RBFOX1: variants seen among roughly 807,000 people sequenced by gnomAD.
RBFOX1 encodes RNA binding fox-1 homolog 1.
Under a neutral mutation model 57.7 loss-of-function variants are expected in RBFOX1, and 8 were observed. The ratio of observed to expected loss-of-function variants is 0.14; its 90% CI spans 0.08 to 0.25. RBFOX1 has a LOEUF of 0.25. Among genes scored for constraint, RBFOX1 ranks in the 10% least tolerant of loss-of-function variants. RBFOX1 has a pLI of 1.00. For missense variants in RBFOX1, 611 were observed against 548.5 expected (o/e 1.11, Z -1.14); for synonymous variants, 326 against 222.4 (o/e 1.47, Z -4.15).
intron 4 of RBFOX1, among the ~76,000 whole-genome samples, chr16:7,216,249 T>G (rs901827685): frequency 1.3e-4 from 20 of 152,218 alleles, no homozygotes; most frequent in African/African-American, 4.8e-4. Context: ...GCATATTAGT[T>G]AAGAACATCG....
intron 1 of RBFOX1, among the ~76,000 whole-genome samples, chr16:6,102,094 C>T (rs2096317230): frequency 6.6e-6 from 1 of 150,632 alleles, no homozygotes; most frequent in Non-Finnish European, 1.5e-5. Context: ...GTCTGATTTC[C>T]TTCCTTATAA....
At chr16:7,163,913 G>C (rs571446301) in intron 4 of RBFOX1, among the ~76,000 whole-genome samples, 18 of 152,092 alleles carry the variant, frequency 1.2e-4, no homozygotes, top group Non-Finnish European at 2.6e-4. Flanking sequence ...ATCCACTTCA[G>C]CCTCCCAAAG....
At chr16:7,297,984 C>G (rs931522961) in intron 4 of RBFOX1, among the ~76,000 whole-genome samples, 2 of 152,172 alleles carry the variant, frequency 1.3e-5, no homozygotes, top group African/African-American at 2.4e-5. Context: ...TGCATCCACA[C>G]ACATGTTTTT....
Position 6,919,908 on chromosome 16 carries a change from G to A in RBFOX1, c.-15-132149G>A, listed in dbSNP as rs546448160. 1.2e-4 allele frequency among the ~76,000 whole-genome samples: 18 copies of A among 151,770 alleles called. No individual in the cohort carries two copies. In the East Asian group the frequency reaches 3.5e-3, roughly 30 times the overall value. On this transcript the variant is annotated intron_variant, in intron 3 of 15. Coordinates refer to ENST00000550418, the MANE Select transcript of RBFOX1 (RefSeq NM_018723.4). ...ACCTGAGCAGTGTACACTGTACCCAGTGTGTCATCTTTTATCCTTTACCCC... is the reference window on the plus strand; with the variant it reads ...ACCTGAGCAGTGTACACTGTACCCAATGTGTCATCTTTTATCCTTTACCCC...
intron 3 of RBFOX1, among the ~76,000 whole-genome samples, chr16:6,885,153 C>A (rs1239571494): frequency 6.6e-6 from 1 of 152,154 alleles, no homozygotes; most frequent in African/African-American, 2.4e-5. Context: ...TGGACCGCCT[C>A]CTCCTTCCCT....
intron 1 of RBFOX1, among the ~76,000 whole-genome samples, chr16:6,115,240 A>T (rs1193736417): frequency 2.0e-5 from 3 of 152,206 alleles, no homozygotes; most frequent in African/African-American, 7.2e-5. Context: ...CCTAACTAGG[A>T]TTCTTGTAAG....
Position 7,165,565 on chromosome 16 carries a change from G to A in RBFOX1, c.27+113467G>A, listed in dbSNP as rs1027091018. Among the ~76,000 whole-genome samples the A allele has an allele frequency of 5.9e-5, 9 of 151,938 alleles. No homozygotes were observed. In the South Asian group the frequency reaches 8.4e-4, roughly 14 times the overall value. On this transcript the variant is annotated intron_variant, in intron 4 of 15. Coordinates refer to ENST00000550418, the MANE Select transcript of RBFOX1 (RefSeq NM_018723.4). ...CTGCCTCAGCCTCCTGAGTAGCTGG[G>A]ATTACGGGCATGCACCACCACGCCC...
intron 4 of RBFOX1, among the ~76,000 whole-genome samples, chr16:7,100,550 G>A (rs955396218): frequency 4.2e-5 from 6 of 143,774 alleles, no homozygotes; most frequent in Admixed American, 3.6e-4. Flanking sequence ...GGGAAAACAT[G>A]GGTTTTTAAA....
chr16:6,962,564 A>T (rs1012933433), intron 3 of RBFOX1, among the ~76,000 whole-genome samples: 4 of 152,020 alleles, frequency 2.6e-5, no homozygotes, highest in Admixed American at 2.6e-4. Flanking sequence ...ATTCAATTCA[A>T]CCTGTTAACA....
At chr16:7,704,325 G>C (rs1033796149) in intron 14 of RBFOX1, among the ~76,000 whole-genome samples, 2 of 152,176 alleles carry the variant, frequency 1.3e-5, no homozygotes, top group African/African-American at 4.8e-5. Flanking sequence ...TTTCCCTGAA[G>C]GCTTTTGATG....
At chr16:7,596,126 GAAAAAAAAACA>G (rs1244704157) in intron 8 of RBFOX1, among the ~76,000 whole-genome samples, 1,525 of 106,104 alleles carry the variant, frequency 0.014, 43 homozygotes, top group South Asian at 0.083. Flanking sequence ...GTTTTTTGTG[GAAAAAAAAACA>G]AAAAAAAAAA....
intron 2 of RBFOX1, among the ~76,000 whole-genome samples, chr16:6,397,505 T>G (rs1191825521): frequency 6.6e-6 from 1 of 152,192 alleles, no homozygotes; most frequent in Admixed American, 6.5e-5. Flanking sequence ...AATAGATGTT[T>G]TATTACCATT....
intron 11 of RBFOX1, among the ~76,000 whole-genome samples, chr16:7,646,148 G>A (rs1017446395): frequency 2.6e-5 from 4 of 152,022 alleles, no homozygotes; most frequent in African/African-American, 4.8e-5. Flanking sequence ...TTTGAGATTC[G>A]TTCTGAAAAA....
intron 2 of RBFOX1, among the ~76,000 whole-genome samples, chr16:6,629,721 C>G (rs1602001561): frequency 6.6e-6 from 1 of 152,260 alleles, no homozygotes; most frequent in South Asian, 2.1e-4. Flanking sequence ...AGGTGGATCA[C>G]AAAATAGCCT....
intron 2 of RBFOX1, among the ~76,000 whole-genome samples, chr16:5,594,478 T>A (rs1385995659): frequency 2.6e-5 from 4 of 152,100 alleles, no homozygotes; most frequent in African/African-American, 9.7e-5. Context: ...TTTTATACAT[T>A]TTAGGGAGAC....
chr16:7,247,222 G>A (rs1452061551), intron 4 of RBFOX1, among the ~76,000 whole-genome samples: 2 of 152,146 alleles, frequency 1.3e-5, no homozygotes, highest in African/African-American at 4.8e-5. Context: ...TGAAGGAGAA[G>A]TGCAAGAGAA....
chr16:6,824,983 G>GTTTTTTTTTT (rs151177772), intron 3 of RBFOX1, among the ~76,000 whole-genome samples: 478 of 36,908 alleles, frequency 0.013, 99 homozygotes, highest in Non-Finnish European at 0.023. Flanking sequence ...TTCTTTCTTG[G>GTTTTTTTTTT]TTTTTTTTTT....
chr16:7,200,422 C>G (rs1479759907), intron 4 of RBFOX1, among the ~76,000 whole-genome samples: 1 of 152,210 alleles, frequency 6.6e-6, no homozygotes, highest in Admixed American at 6.5e-5. Flanking sequence ...TGTGCTCTCT[C>G]CATATTCAGC....
At chr16:6,207,150 C>G (rs1292441562) in intron 1 of RBFOX1, among the ~76,000 whole-genome samples, 1 of 152,180 alleles carries the variant, frequency 6.6e-6, no homozygotes, top group Non-Finnish European at 1.5e-5. Context: ...TGACAGTGAT[C>G]AAAATTAACC....
Sources: allele counts gnomAD v4.1 joint callset (sites outside exome capture counted in the v4.1 genomes callset), GRCh38; gene constraint gnomAD v4.1.1; transcripts MANE v1.5; gene names NCBI Gene and HGNC (gene_info 2026-07-23, HGNC 2026-07-21).